The following MAGI2 variants were observed in gnomAD, a reference collection of about 807,000 sequenced individuals.
The protein encoded by MAGI2 is membrane associated guanylate kinase, WW and PDZ domain containing 2.
MAGI2 carries 35 observed loss-of-function variants against 133.3 expected under a neutral mutation model. That is an observed-to-expected ratio of 0.26 (90% CI 0.20 to 0.35). The LOEUF (loss-of-function observed/expected upper bound fraction) is 0.35. MAGI2 is among the 10% of genes least tolerant of loss of function. MAGI2 has a pLI of 1.00. For synonymous variants in MAGI2, 729 were observed against 710.6 expected, an observed-to-expected ratio of 1.03 and a Z score of -0.41; for missense variants, 1,636 against 1,863.4, an observed-to-expected ratio of 0.88 and a Z score of 2.25.
At chr7:78,637,018 C>T (rs908893484) in intron 2 of MAGI2, among the ~76,000 whole-genome samples, 1 of 152,164 alleles carries the variant, frequency 6.6e-6, no homozygotes, top group Non-Finnish European at 1.5e-5. Context: ...AATTGGAGAA[C>T]CACTGCTCCA....
intron 2 of MAGI2, among the ~76,000 whole-genome samples, chr7:78,917,200 A>AT (rs1798870911): frequency 6.6e-6 from 1 of 152,198 alleles, no homozygotes; most frequent in African/African-American, 2.4e-5. Context: ...AGTCTAAGGT[A>AT]TTTTTTAAAG....
At position 78,941,493 on chromosome 7, in the gene MAGI2, G is replaced by C. The variant is rs182317378; in HGVS notation, c.418+65597C>G. ...GCCTCTCGAGTAGCTGGGATCACAGGCCTGACTAATTTTTGTATTTTTAGT... is the reference window on the plus strand; with the variant it reads ...GCCTCTCGAGTAGCTGGGATCACAGCCCTGACTAATTTTTGTATTTTTAGT... On this transcript the variant is annotated intron_variant, in intron 2 of 21. Transcript: ENST00000354212. 4.9e-3 allele frequency among the ~76,000 whole-genome samples: 740 copies of C among 152,072 alleles called. 5 individuals are homozygous for C. Among genetic ancestry groups the C allele is most frequent in the Middle Eastern group, 0.014 (4 of 294 alleles).
intron 3 of MAGI2, among the ~76,000 whole-genome samples, chr7:78,569,564 C>A (rs1233205980): frequency 4.0e-5 from 6 of 151,766 alleles, no homozygotes; most frequent in African/African-American, 1.5e-4. Flanking sequence ...TTTAAGAAAA[C>A]AATTTTCTGG....
intron 2 of MAGI2, among the ~76,000 whole-genome samples, chr7:78,802,058 C>T (rs1788109171): frequency 6.6e-6 from 1 of 152,120 alleles, no homozygotes; most frequent in Admixed American, 6.5e-5. Context: ...AGATCAAGGG[C>T]TTTCCTTTCT....
intron 6 of MAGI2, among the ~76,000 whole-genome samples, chr7:78,437,536 T>C (rs551973975): frequency 6.6e-6 from 1 of 152,318 alleles, no homozygotes; most frequent in South Asian, 2.1e-4. Flanking sequence ...GGTATTTCAT[T>C]CACCTTTTCA....
chr7:79,394,956 T>G (rs1008460863), intron 1 of MAGI2, among the ~76,000 whole-genome samples: 9 of 152,208 alleles, frequency 5.9e-5, no homozygotes, highest in Non-Finnish European at 1.2e-4. Flanking sequence ...TTTACGCCTT[T>G]AGATTTTGCA....
chr7:78,848,285 T>G (rs117037214), intron 2 of MAGI2, among the ~76,000 whole-genome samples: 3,916 of 151,962 alleles, frequency 0.026, 72 homozygotes, highest in Middle Eastern at 0.044. Flanking sequence ...TCCCAAAGCA[T>G]CCTTGATTCT....
chr7:78,579,638 CAG>C (rs1802634183), intron 3 of MAGI2, among the ~76,000 whole-genome samples: 1 of 152,190 alleles, frequency 6.6e-6, no homozygotes, highest in East Asian at 1.9e-4. Flanking sequence ...CCTAGAGACT[CAG>C]AGTCTTTTCC....
intron 10 of MAGI2, among the ~76,000 whole-genome samples, chr7:78,216,610 T>C (rs1006788686): frequency 7.2e-5 from 11 of 152,192 alleles, no homozygotes; most frequent in African/African-American, 2.7e-4. Flanking sequence ...CACAAGGTCA[T>C]TGAGCCTGCT....
chr7:78,336,449 A>G (rs1445940636), intron 9 of MAGI2, among the ~76,000 whole-genome samples: 1 of 152,186 alleles, frequency 6.6e-6, no homozygotes, highest in East Asian at 1.9e-4. Flanking sequence ...TCGGCTGGGC[A>G]TGGTGCCTCA....
At position 78,238,534 on chromosome 7, in the gene MAGI2, C is replaced by CA. The variant is rs57547010; in HGVS notation, c.2047+17408dup. On this transcript the variant is annotated intron_variant, in intron 10 of 21. Coordinates refer to ENST00000354212, the MANE Select transcript of MAGI2 (RefSeq NM_012301.4). ...TGGGCAAAATAACGAGAACCTGTCTCAAAAAAAAAATCTTTGATTTTTCTC... is the reference window on the plus strand; with the variant it reads ...TGGGCAAAATAACGAGAACCTGTCTCAAAAAAAAAAATCTTTGATTTTTCTC... 4.8e-3 allele frequency among the ~76,000 whole-genome samples: 719 copies of CA among 149,912 alleles called. 6 individuals carry two copies. The highest frequency in any genetic ancestry group is 0.016 in the African/African-American group (655 of 40,800).
At chr7:78,745,740 C>T (rs956916219) in intron 2 of MAGI2, among the ~76,000 whole-genome samples, 3 of 152,076 alleles carry the variant, frequency 2.0e-5, no homozygotes, top group Non-Finnish European at 4.4e-5. Flanking sequence ...TTATTAATGA[C>T]CACTTACTAT....
intron 10 of MAGI2, among the ~76,000 whole-genome samples, chr7:78,246,737 C>G (rs369023580): frequency 6.6e-6 from 1 of 152,216 alleles, no homozygotes; most frequent in African/African-American, 2.4e-5. Context: ...TCATCCCCCA[C>G]GATCTGACTT....
At chr7:79,342,953 G>C in intron 1 of MAGI2, among the ~76,000 whole-genome samples, 1 of 151,676 alleles carries the variant, frequency 6.6e-6, no homozygotes, top group East Asian at 1.9e-4. Context: ...TAGTAGAAAG[G>C]GGGTTTCACC....
chr7:79,008,549 C>T (rs1807709234), intron 1 of MAGI2, among the ~76,000 whole-genome samples: 1 of 152,112 alleles, frequency 6.6e-6, no homozygotes, highest in Admixed American at 6.6e-5. Flanking sequence ...CAAATGGTCT[C>T]TTAATCTATT....
rs554699958 is a variant in MAGI2, at chr7:78,630,840, AT to A, written c.419-3602del. Among the ~76,000 whole-genome samples, 159 of 152,270 alleles carry A rather than the reference AT, an allele frequency of 1.0e-3. 1 individual carries two copies. The highest frequency in any genetic ancestry group is 1.9e-3 in the Non-Finnish European group (127 of 68,028). On this transcript the variant is annotated intron_variant, in intron 2 of 21. Transcript: ENST00000354212. ...CTCAAAATTCACAAATACATTTTAT[AT>A]TTTATCAAGTTTATCCTATTGAAGA...
At position 79,027,357 on chromosome 7, in the gene MAGI2, C is replaced by A. The variant is rs537054145; in HGVS notation, c.302-20151G>T. Reference sequence around the variant, plus strand: ...ATATATTTAATATATATATTAAATACAATACCACCCAGCCTTTAGAAAGAA... The same window carrying A: ...ATATATTTAATATATATATTAAATAAAATACCACCCAGCCTTTAGAAAGAA... On this transcript the variant is annotated intron_variant, in intron 1 of 21. Coordinates refer to ENST00000354212, the MANE Select transcript of MAGI2 (RefSeq NM_012301.4). 3.7e-3 allele frequency among the ~76,000 whole-genome samples: 551 copies of A among 150,576 alleles called. 2 individuals are homozygous for A. Among genetic ancestry groups the A allele is most frequent in the Non-Finnish European group, 6.9e-3 (464 of 67,706 alleles).
At chr7:79,315,645 A>G (rs1263703695) in intron 1 of MAGI2, among the ~76,000 whole-genome samples, 1 of 152,160 alleles carries the variant, frequency 6.6e-6, no homozygotes, top group East Asian at 1.9e-4. Flanking sequence ...AATTTGAAGC[A>G]GCATTCAAGT....
At chr7:79,186,191 AAT>A (rs60719172) in intron 1 of MAGI2, among the ~76,000 whole-genome samples, 217 of 111,612 alleles carry the variant, frequency 1.9e-3, no homozygotes, top group South Asian at 3.6e-3. Flanking sequence ...TGCCTGGGAA[AAT>A]ATATATATAT....
Sources: gnomAD v4.1 joint callset for allele counts (sites outside exome capture counted in the v4.1 genomes callset) on GRCh38, gnomAD v4.1.1 for gene constraint, MANE v1.5 for transcripts, NCBI Gene and HGNC (gene_info 2026-07-23, HGNC 2026-07-21) for gene names.